The following ADAMTS14 variants were observed in gnomAD, a reference collection of about 807,000 sequenced individuals.
The protein encoded by ADAMTS14 is ADAM metallopeptidase with thrombospondin type 1 motif 14.
In ADAMTS14, 100 loss-of-function variants were observed where a neutral mutation model predicts 128.6. The ratio of observed to expected loss-of-function variants is 0.78; its 90% confidence interval spans 0.66 to 0.92. The LOEUF (loss-of-function observed/expected upper bound fraction) is 0.92, where lower values mean the gene tolerates loss of function less well. Ranked by LOEUF, ADAMTS14 falls within the 40% of genes least tolerant of loss-of-function variation. ADAMTS14 has a pLI of 0.00. For synonymous variants in ADAMTS14, 665 were observed against 653.8 expected (o/e 1.02, Z -0.26); for missense variants, 1,562 against 1,658.6 (o/e 0.94, Z 1.01).
rs1840735865 is a variant in ADAMTS14, at chr10:70,708,588, C to T, written c.680C>T (p.Ala227Val). The stretch of plus-strand genomic sequence containing the variant: ...CACTCTCTTCCTGTCTTGGTTCCAG[C>T]CTTTGGCCTGGGAGACCTTCCCAAC... ...AEPDGDLHNE[A>V]FGLGDLPNLL... is the part of the protein sequence containing the mutation. Residue 227 changes from alanine to valine, a missense_variant and splice_region_variant, in exon 4 of 22, where the codon GCC becomes GTC. By Grantham distance (64) the Ala-to-Val change is moderately conservative. Transcript: ENST00000373207. The T allele has an allele frequency of 1.2e-6, 2 of 1,602,368 alleles. No homozygotes were observed. The highest frequency in any genetic ancestry group is 2.7e-5 in the African/African-American group (2 of 74,686).
chr10:70,738,677 C>G (rs1841901949), intron 10 of ADAMTS14, among the ~76,000 whole-genome samples, 165 bp from the exon 11 acceptor site: 1 of 152,194 alleles, frequency 6.6e-6, no homozygotes, highest in Non-Finnish European at 1.5e-5. Flanking sequence ...AGTTGAGGAA[C>G]AGGCCCAGAA....
chr10:70,754,136 A>G (rs985038576), intron 19 of ADAMTS14, 129 bp downstream of exon 19: 4 of 859,744 alleles, frequency 4.7e-6, no homozygotes, highest in African/African-American at 1.7e-5. Context: ...TGTTTTCCTT[A>G]AAGTAGAATA....
At chr10:70,752,860 C>A (rs145051229) in intron 18 of ADAMTS14, among the ~76,000 whole-genome samples, 3 of 152,320 alleles carry the variant, frequency 2.0e-5, no homozygotes, top group African/African-American at 7.2e-5. Context: ...CGGTGGCCAG[C>A]GCTAGAGGCT....
At chr10:70,696,020 T>C (rs1195686638) in intron 2 of ADAMTS14, among the ~76,000 whole-genome samples, 1 of 152,036 alleles carries the variant, frequency 6.6e-6, no homozygotes, top group East Asian at 1.9e-4. Context: ...CCAGGGGGTA[T>C]GGAGGTGGTG....
chr10:70,734,063 G>T, intron 8 of ADAMTS14, 35 bp downstream of exon 8: 2 of 1,597,996 alleles, frequency 1.3e-6, no homozygotes, highest in Non-Finnish European at 1.7e-6. Flanking sequence ...TGGGATAGGG[G>T]AGCATGCGAC....
intron 2 of ADAMTS14, among the ~76,000 whole-genome samples, chr10:70,690,565 G>A (rs1840154055): frequency 6.9e-6 from 1 of 145,320 alleles, no homozygotes; most frequent in African/African-American, 2.4e-5. Flanking sequence ...ATCAGATGCA[G>A]TGATAAACAT....
Position 70,672,853 on chromosome 10 carries a change from G to A in ADAMTS14, c.51G>A (p.Ala17=). Residue 17 remains alanine (A), a synonymous_variant, in exon 1 of 22, where the codon GCG becomes GCA. Transcript: ENST00000373207. ...CCTACCTGCTGCCTTTGCACTGTGC[G>A]CTCTGCGCCGCCGCGGGCAGCCGGA... ...LLSYLLPLHC[A]LCAAAGSRTP... The A allele has an allele frequency of 2.7e-6, 4 of 1,507,040 alleles. No individual in the cohort carries two copies. The highest frequency in any genetic ancestry group is 2.6e-6 in the Non-Finnish European group (3 of 1,133,060). 93.4% of individuals were successfully genotyped at this position (1,507,040 alleles called of 1,614,324 possible).
chr10:70,752,902 G>T (rs932017288), intron 18 of ADAMTS14, among the ~76,000 whole-genome samples: 4 of 152,224 alleles, frequency 2.6e-5, no homozygotes, highest in Non-Finnish European at 4.4e-5. Flanking sequence ...CCCAGGCCAG[G>T]CCATGATAAC....
At chr10:70,722,252 C>A (rs929374492) in intron 4 of ADAMTS14, among the ~76,000 whole-genome samples, 1 of 152,078 alleles carries the variant, frequency 6.6e-6, no homozygotes, top group African/African-American at 2.4e-5. Context: ...GTGAGAAGGG[C>A]CAGGGTTGCA....
chr10:70,722,295 A>C (rs574934281), intron 4 of ADAMTS14, among the ~76,000 whole-genome samples: 1 of 152,276 alleles, frequency 6.6e-6, no homozygotes, highest in Admixed American at 6.5e-5. Flanking sequence ...CTGAGACTCC[A>C]TGTTGCTGTC....
chr10:70,675,134 C>A, intron 2 of ADAMTS14, 139 bp downstream of exon 2: 1 of 1,016,110 alleles, frequency 9.8e-7, no homozygotes, highest in Non-Finnish European at 1.4e-6. Flanking sequence ...GTGCCGCCTG[C>A]CCCCGCGGGC....
At chr10:70,696,486 G>A (rs561963401) in intron 2 of ADAMTS14, among the ~76,000 whole-genome samples, 11 of 152,286 alleles carry the variant, frequency 7.2e-5, no homozygotes, top group Non-Finnish European at 1.5e-4. Context: ...GATTTCAAGT[G>A]AGAACAGTAG....
rs184307876 is a variant in ADAMTS14 at position 70,675,128 on chromosome 10, C to A, written c.522+133C>A. The A allele has an allele frequency of 8.3e-6, 9 of 1,088,022 alleles. No homozygotes were observed. The African/African-American group carries it at 1.4e-4, about 17-fold the overall frequency. The allele number at this position is 1,088,022 out of a possible 1,614,324, so 67.4% of individuals were successfully genotyped here. A position where few individuals can be genotyped will look rare whatever the true frequency, so the allele number is the denominator to read the frequency against. ...TGGTGCTGCCTTCCAGAGGGAGTGC[C>A]GCCTGCCCCCGCGGGCCACTAGGTT... On this transcript the variant is annotated intron_variant, in intron 2 of 21. Coordinates refer to ENST00000373207, the MANE Select transcript of ADAMTS14 (RefSeq NM_080722.4).
intron 12 of ADAMTS14, among the ~76,000 whole-genome samples, chr10:70,742,648 G>A (rs749834361): frequency 1.5e-4 from 23 of 152,352 alleles, no homozygotes; most frequent in South Asian, 6.2e-4. Context: ...CAGCCACAGC[G>A]TTGGGGAGAG....
rs1842095345 is a variant in ADAMTS14 at position 70,744,107 on chromosome 10, T to C, written c.2100T>C (p.Asp700=). ...CDKEVGSMKA[D]DKCGVCGGDN... ...AGGAGGTGGGGTCCATGAAGGCGGA[T>C]GACAAGTGTGGAGTCTGCGGGGGTG... Residue 700 remains aspartate (D), a synonymous_variant, in exon 14 of 22, where the codon GAT becomes GAC. Coordinates refer to ENST00000373207, the MANE Select transcript of ADAMTS14 (RefSeq NM_080722.4). 1 of 1,565,738 alleles carries C rather than the reference T, an allele frequency of 6.4e-7. No homozygotes were observed. The highest frequency in any genetic ancestry group is 8.7e-7 in the Non-Finnish European group (1 of 1,155,250).
At chr10:70,717,569 T>G (rs1467188409) in intron 4 of ADAMTS14, among the ~76,000 whole-genome samples, 1 of 152,152 alleles carries the variant, frequency 6.6e-6, no homozygotes, top group Non-Finnish European at 1.5e-5. Context: ...AAGGTGGATC[T>G]GCAGGTTCCC....
rs760544573 is a variant in ADAMTS14, at chr10:70,733,941, G to A, written c.1265G>A (p.Gly422Asp). ...GGCTGTGCAGATGAGACCAGCCTGG[G>A]CAGCGTCATGGCGCCCCTGGTGCAG... Reference protein sequence around the residue: ...GNGCADETSLGSVMAPLVQAA... With the variant: ...GNGCADETSLDSVMAPLVQAA... Residue 422 changes from glycine to aspartate, a missense_variant, in exon 8 of 22, where the codon GGC becomes GAC. Physicochemically the swap from Gly to Asp is moderately conservative, Grantham distance 94. Transcript: ENST00000373207. 72 of 1,613,798 alleles carry A rather than the reference G, an allele frequency of 4.5e-5. No individual in the cohort carries two copies. Among genetic ancestry groups the A allele is most frequent in the Non-Finnish European group, 5.2e-5 (61 of 1,180,006 alleles).
At chr10:70,713,932 A>G (rs1840938182) in intron 4 of ADAMTS14, among the ~76,000 whole-genome samples, 1 of 152,192 alleles carries the variant, frequency 6.6e-6, no homozygotes, top group African/African-American at 2.4e-5. Flanking sequence ...CGTGACTCAC[A>G]CCTATAATCC....
At chr10:70,751,927 G>C (rs1208617010) in intron 17 of ADAMTS14, among the ~76,000 whole-genome samples, 168 bp from the exon 18 acceptor site, 3 of 152,226 alleles carry the variant, frequency 2.0e-5, no homozygotes, top group Non-Finnish European at 4.4e-5. Context: ...GCGAGATGGA[G>C]CTGATCAGGA....
Sources: allele counts gnomAD v4.1 joint callset (sites outside exome capture counted in the v4.1 genomes callset), GRCh38; gene constraint gnomAD v4.1.1; transcripts MANE v1.5; gene names NCBI Gene and HGNC (gene_info 2026-07-23, HGNC 2026-07-21).